The following KAZN variants were observed in gnomAD, a reference collection of about 807,000 sequenced individuals.
The protein encoded by KAZN is kazrin.
KAZN carries 40 observed loss-of-function variants against 87.4 expected under a neutral mutation model. The observed-to-expected ratio is 0.46, with a 90% confidence interval of 0.36 to 0.60. KAZN has a LOEUF of 0.60. Among genes scored for constraint, KAZN ranks in the 20% least tolerant of loss-of-function variants. KAZN has a pLI of 0.00. For synonymous variants in KAZN, 466 were observed against 458.3 expected (o/e 1.02, Z -0.22); for missense variants, 898 against 1,073.9 (o/e 0.84, Z 2.29).
chr1:14,639,577 G>T (rs1297982231), intron 1 of KAZN, among the ~76,000 whole-genome samples: 1 of 152,104 alleles, frequency 6.6e-6, no homozygotes, highest in African/African-American at 2.4e-5. Context: ...GAAGGTTCAC[G>T]GGAGAGGCCG....
intron 1 of KAZN, among the ~76,000 whole-genome samples, chr1:14,893,827 T>C (rs148208518): frequency 0.011 from 1,606 of 152,210 alleles, 33 homozygotes; most frequent in African/African-American, 0.036. Flanking sequence ...ATAAAAGTCT[T>C]GCCCCAGCTC....
chr1:14,697,288 C>T (rs2148796892), intron 1 of KAZN, among the ~76,000 whole-genome samples: 1 of 151,874 alleles, frequency 6.6e-6, no homozygotes, highest in South Asian at 2.1e-4. Context: ...CATGATCACA[C>T]CACTGCACTC....
chr1:14,860,967 C>G (rs77069105), intron 1 of KAZN, among the ~76,000 whole-genome samples: 2,594 of 152,270 alleles, frequency 0.017, 81 homozygotes, highest in African/African-American at 0.059. Context: ...TCACTTGGTT[C>G]TCTTGTCTCT....
intron 1 of KAZN, among the ~76,000 whole-genome samples, chr1:14,905,239 A>G (rs1423582612): frequency 2.0e-5 from 3 of 152,020 alleles, no homozygotes; most frequent in Non-Finnish European, 4.4e-5. Context: ...TTGTATTTTG[A>G]GTAGAAATGG....
chr1:15,035,425 A>G (rs1672161498), intron 3 of KAZN, among the ~76,000 whole-genome samples: 1 of 152,230 alleles, frequency 6.6e-6, no homozygotes. Flanking sequence ...AGAGGAAGTG[A>G]CATATGCATT....
Position 15,077,436 on chromosome 1 carries a change from A to C in KAZN, c.1222+11683A>C, listed in dbSNP as rs1639808494. On this transcript the variant is annotated intron_variant, in intron 8 of 14. Transcript: ENST00000376030. The surrounding 1 kb of genome is among the most constrained non-coding windows in gnomAD (Gnocchi z 4.8). ...GCTCCACGCTTGTTTCTCAACCCAG[A>C]GAAGTGTTCCCAAGACTTAGAGTGT... Among the ~76,000 whole-genome samples, 1 of 152,170 alleles carries C rather than the reference A, an allele frequency of 6.6e-6. No individual in the cohort carries two copies. Among genetic ancestry groups the C allele is most frequent in the South Asian group, 2.1e-4 (1 of 4,820 alleles).
chr1:14,468,315 G>A (rs563250076), intron 2 of KAZN, among the ~76,000 whole-genome samples: 1 of 152,272 alleles, frequency 6.6e-6, no homozygotes, highest in East Asian at 1.9e-4. Flanking sequence ...TGGGAAAAGG[G>A]AAAATGGAAC....
chr1:14,647,918 C>T (rs138687724), intron 1 of KAZN, among the ~76,000 whole-genome samples: 2 of 152,178 alleles, frequency 1.3e-5, no homozygotes, highest in Non-Finnish European at 1.5e-5. Flanking sequence ...ATTCTCCATT[C>T]GTTTCCTGTC....
rs147351612 is a variant in KAZN, at chr1:14,536,034, T to C, written c.250-62949T>C. Among the ~76,000 whole-genome samples the C allele has an allele frequency of 7.7e-4, 117 of 152,326 alleles. No individual in the cohort carries two copies. In the East Asian group the frequency reaches 0.022, roughly 29 times the overall value. ...TTAATTAACTTGAACTAGGACTCCC[T>C]AATTACTGGAGCAGGCTAGAGAAGG... On this transcript the variant is annotated intron_variant, in intron 2 of 16. Coordinates refer to the KAZN transcript ENST00000636203.
intron 2 of KAZN, among the ~76,000 whole-genome samples, chr1:14,999,505 C>CAA (rs1668244025): frequency 7.2e-6 from 1 of 137,950 alleles, no homozygotes; most frequent in African/African-American, 3.5e-5. Context: ...CCCCCCTCCC[C>CAA]CCGCCCCGCC....
intron 1 of KAZN, among the ~76,000 whole-genome samples, chr1:14,759,130 TTTAAATA>T (rs1644661712): frequency 6.6e-6 from 1 of 152,196 alleles, no homozygotes; most frequent in Non-Finnish European, 1.5e-5. Flanking sequence ...CTTGTTAGAC[TTTAAATA>T]AAAATCCGTG....
chr1:14,300,971 C>T (rs1474768211), intron 2 of KAZN, among the ~76,000 whole-genome samples: 1 of 152,174 alleles, frequency 6.6e-6, no homozygotes, highest in Non-Finnish European at 1.5e-5. Context: ...AAGCTTGTGG[C>T]TCTCAGAGTC....
intron 2 of KAZN, among the ~76,000 whole-genome samples, chr1:14,418,955 C>A (rs181966821): frequency 2.4e-4 from 36 of 152,310 alleles, no homozygotes; most frequent in Middle Eastern, 3.4e-3. Context: ...CAGAAACTGT[C>A]CCCCTGTGAA....
At chr1:14,436,535 T>C (rs1208800961) in intron 2 of KAZN, among the ~76,000 whole-genome samples, 2 of 151,700 alleles carry the variant, frequency 1.3e-5, no homozygotes, top group African/African-American at 4.8e-5. Flanking sequence ...CTGGACAACA[T>C]GGTGAAACCC....
chr1:14,530,058 T>C (rs909874799), intron 2 of KAZN, among the ~76,000 whole-genome samples: 3 of 152,104 alleles, frequency 2.0e-5, no homozygotes, highest in African/African-American at 7.2e-5. Flanking sequence ...CACCAGCTGC[T>C]CTCTGGAGCA....
rs146729267 is a variant in KAZN at position 14,430,372 on chromosome 1, C to G, written c.250-168611C>G. On this transcript the variant is annotated intron_variant, in intron 2 of 16. Coordinates refer to the KAZN transcript ENST00000636203. ...AGATTCACGAATGTACCCCCAACAC[C>G]TAGAACAGAGTTTGACATAAAATAC... is the stretch of plus-strand genomic sequence containing the variant. Among the ~76,000 whole-genome samples, 12 of 152,202 alleles carry G rather than the reference C, an allele frequency of 7.9e-5. No homozygotes were observed. In the East Asian group the frequency reaches 1.9e-3, roughly 24 times the overall value.
Position 15,065,574 on chromosome 1 carries a change from AAGCTTGGCT to A in KAZN, c.1099-55_1099-47del, listed in dbSNP as rs1639159404. On this transcript the variant is annotated intron_variant, in intron 7 of 14. Transcript: ENST00000376030. ...ATCCACTGCAGTCTGCACCCCAGCTAAGCTTGGCTTTCTTCTTCTCCCCCACCCTCTTCC... is the reference window on the plus strand; with the variant it reads ...ATCCACTGCAGTCTGCACCCCAGCTATTCTTCTTCTCCCCCACCCTCTTCC... 3 of 1,473,240 alleles carry A rather than the reference AAGCTTGGCT, an allele frequency of 2.0e-6. No individual in the cohort carries two copies. The South Asian group carries it at 3.8e-5, about 19-fold the overall frequency. 91.3% of individuals were successfully genotyped at this position (1,473,240 alleles called of 1,614,324 possible).
chr1:14,608,296 C>T (rs1677528824), intron 1 of KAZN, among the ~76,000 whole-genome samples: 1 of 152,196 alleles, frequency 6.6e-6, no homozygotes, highest in African/African-American at 2.4e-5. Flanking sequence ...GGCCCAGAGA[C>T]CACAGATTTA....
intron 2 of KAZN, among the ~76,000 whole-genome samples, chr1:14,999,853 G>A (rs1018002913): frequency 1.4e-4 from 21 of 152,214 alleles, no homozygotes; most frequent in African/African-American, 5.1e-4. Flanking sequence ...GACACCCTCA[G>A]TCTGCCCTGT....
Sources: allele counts gnomAD v4.1 joint callset (sites outside exome capture counted in the v4.1 genomes callset), GRCh38; gene constraint gnomAD v4.1.1; non-coding constraint Gnocchi (gnomAD v3.1); transcripts MANE v1.5; gene names NCBI Gene and HGNC (gene_info 2026-07-23, HGNC 2026-07-21).